Variants in KMT2B observed in about 807,000 individuals in gnomAD.
KMT2B encodes lysine methyltransferase 2B.
In KMT2B, 22 loss-of-function variants were observed where a neutral mutation model predicts 255.3. That is an observed-to-expected ratio of 0.09 (90% confidence interval 0.06 to 0.12). KMT2B has a LOEUF of 0.12. Among genes scored for constraint, KMT2B ranks in the 10% least tolerant of loss-of-function variants. The pLI, the probability that KMT2B is intolerant of heterozygous loss-of-function variation, is 1.00. For missense variants in KMT2B, 3,149 were observed against 3,737.0 expected (o/e 0.84, Z 4.10); for synonymous variants, 1,730 against 1,498.1 (o/e 1.15, Z -3.57).
intron 30 of KMT2B, chr19:35,736,393 CT>C (rs1969918210): frequency 2.7e-6 from 1 of 375,560 alleles, no homozygotes; most frequent in African/African-American, 2.0e-5. Context: ...GTATGGTACA[CT>C]GGGTTTGAGT....
intron 26 of KMT2B, 33 bp from the exon 27 acceptor site, chr19:35,731,875 C>T (rs1216242303): frequency 3.3e-6 from 5 of 1,516,052 alleles, no homozygotes; most frequent in Middle Eastern, 1.7e-4. Context: ...CACAGAGCCC[C>T]TACCACCCCA....
At position 35,732,060 on chromosome 19, in the gene KMT2B, C is replaced by G; in HGVS notation, c.5590C>G (p.Arg1864Gly). ...PPAPRSFSGARIKVPNYSPSR... is the reference protein window; with the variant it reads ...PPAPRSFSGAGIKVPNYSPSR... ...AGCCCCCCGTTCTTTTTCGGGGGCT[C>G]GAATCAAAGTGCCCAACTACTCGCC... is the stretch of plus-strand genomic sequence containing the variant. Residue 1864 changes from arginine to glycine, a missense_variant, in exon 27 of 37, where the codon CGA (arginine) becomes GGA (glycine). This residue lies in a region of KMT2B where 897 missense variants were observed against 825.3 expected (regional missense o/e 1.09). Transcript: ENST00000420124. 1 of 1,611,262 alleles carries G rather than the reference C, an allele frequency of 6.2e-7. No homozygotes were observed. The highest frequency in any genetic ancestry group is 8.5e-7 in the Non-Finnish European group (1 of 1,178,844).
Position 35,719,855 on chromosome 19 carries a change from G to A in KMT2B, c.508G>A (p.Ala170Thr), listed in dbSNP as rs1227672018. ...TCCTCCTCCTCGCCTAGCAGATGTGGCTCCTACCCCCCCAAAGACCCCTGC... is the reference window on the plus strand; with the variant it reads ...TCCTCCTCCTCGCCTAGCAGATGTGACTCCTACCCCCCCAAAGACCCCTGC... Reference protein sequence around the residue: ...PLPPPRLADVAPTPPKTPARK... With the variant: ...PLPPPRLADVTPTPPKTPARK... Residue 170 changes from alanine (A) to threonine (T), a missense_variant, in exon 3 of 37, where the codon GCT becomes ACT. This residue lies in a region of KMT2B where 1,188 missense variants were observed against 1,106.4 expected (regional missense o/e 1.07). Coordinates refer to ENST00000420124, the MANE Select transcript of KMT2B (RefSeq NM_014727.3). 5.6e-6 allele frequency: 9 copies of A among 1,613,114 alleles called. No homozygotes were observed. The African/African-American group carries it at 1.1e-4, about 19-fold the overall frequency.
At position 35,720,931 on chromosome 19, in the gene KMT2B, T is replaced by C; in HGVS notation, c.1584T>C (p.Ile528=). ...TTFLKNIRQF[I]MPVVSARSSR... ...TCCTGAAGAATATCCGGCAGTTTAT[T>C]ATGCCTGTGGTGAGTGCCCGCTCCT... The change falls in exon 3 of 37, where the codon ATT becomes ATC. Residue 528 remains isoleucine, a synonymous_variant. Transcript: ENST00000420124. 6.2e-7 allele frequency: 1 copy of C among 1,611,470 alleles called. No homozygotes were observed. Among genetic ancestry groups the C allele is most frequent in the Non-Finnish European group, 8.5e-7 (1 of 1,179,082 alleles).
At position 35,720,862 on chromosome 19, in the gene KMT2B, C is replaced by G. The variant is rs766738948; in HGVS notation, c.1515C>G (p.Gly505=). ...CAACCCCCAGCACCGCCACGGGAGG[C>G]CCTCCGGAAGACAGTCCCACCGTGG... ...PTPTPSTATG[G]PPEDSPTVAP... Residue 505 remains glycine (G), a synonymous_variant, in exon 3 of 37, where the codon GGC becomes GGG. Transcript: ENST00000420124. 1 of 1,583,672 alleles carries G rather than the reference C, an allele frequency of 6.3e-7. No homozygotes were observed. The highest frequency in any genetic ancestry group is 8.6e-7 in the Non-Finnish European group (1 of 1,165,360).
Position 35,733,106 on chromosome 19 carries a change from C to T in KMT2B, c.6557C>T (p.Pro2186Leu), listed in dbSNP as rs1371302068. Residue 2186 changes from proline to leucine, a missense_variant, in exon 28 of 37, where the codon CCC (proline) becomes CTC (leucine). Transcript: ENST00000420124. This position sits in a 1 kb window ranked among gnomAD's most constrained non-coding sequence, Gnocchi z 4.3. Reference sequence around the variant, plus strand: ...GGCCCTGCCCCTGAGCCCCCCAAACCCGCCACATCCAAAATCATACTTGTC... The same window carrying T: ...GGCCCTGCCCCTGAGCCCCCCAAACTCGCCACATCCAAAATCATACTTGTC... ...SLGPAPEPPK[P>L]ATSKIILVNK... 3 of 1,589,420 alleles carry T rather than the reference C, an allele frequency of 1.9e-6. No individual in the cohort carries two copies. Among genetic ancestry groups the T allele is most frequent in the African/African-American group, 2.7e-5 (2 of 74,300 alleles).
chr19:35,733,187 C>T lies in KMT2B; in HGVS notation c.6638C>T (p.Pro2213Leu), dbSNP rs776567341. The change falls in exon 28 of 37, where the codon CCC becomes CTC. Residue 2213 changes from proline to leucine, a missense_variant. Pro to Leu is a moderately conservative substitution (Grantham distance 98). This residue lies in a region of KMT2B where 897 missense variants were observed against 825.3 expected (regional missense o/e 1.09). Coordinates refer to ENST00000420124, the MANE Select transcript of KMT2B (RefSeq NM_014727.3). This position sits in a 1 kb window ranked among gnomAD's most constrained non-coding sequence, Gnocchi z 4.3. ...KMAGEGEPVP[P>L]PVKQPPLPPT... is the part of the protein sequence containing the mutation. ...GCTGGGGAGGGTGAACCTGTCCCAC[C>T]CCCAGTGAAGCAGCCACCTTTGCCC... The T allele has an allele frequency of 1.2e-5, 19 of 1,547,680 alleles. 2 individuals are homozygous for T. In the South Asian group the frequency reaches 2.1e-4, roughly 17 times the overall value.
chr19:35,727,100 C>T lies in KMT2B; in HGVS notation c.4004-56C>T. 1 of 1,285,026 alleles carries T rather than the reference C, an allele frequency of 7.8e-7. No homozygotes were observed. Among genetic ancestry groups the T allele is most frequent in the Non-Finnish European group, 1.1e-6 (1 of 905,874 alleles). 79.6% of individuals were successfully genotyped at this position (1,285,026 alleles called of 1,614,324 possible). On this transcript the variant is annotated intron_variant, in intron 14 of 36. Transcript: ENST00000420124. This position sits in a 1 kb window ranked among gnomAD's most constrained non-coding sequence, Gnocchi z 4.2. ...TACTGCTAATCCTTGAACAGAGACA[C>T]TCAGGGCTGAGTGGGAACTCCAGCA...
At chr19:35,722,085 G>A (rs1969240505) in intron 3 of KMT2B, among the ~76,000 whole-genome samples, 1 of 150,550 alleles carries the variant, frequency 6.6e-6, no homozygotes, top group Admixed American at 6.6e-5. Flanking sequence ...GCTCACTGCA[G>A]CCTTTGCCTC....
In KMT2B at chr19:35,718,223, C is replaced by A. The variant is rs1002271723; in HGVS notation, c.205C>A (p.Arg69Ser). ...GCCCGGGGAGGACACGGCCCTGCTC[C>A]GTTTGCTGGGGCTCCGCCGGGGCCT... is the stretch of plus-strand genomic sequence containing the variant. Reference protein sequence around the residue: ...AEPGEDTALLRLLGLRRGLRR... With the variant: ...AEPGEDTALLSLLGLRRGLRR... Residue 69 changes from arginine to serine, a missense_variant, in exon 1 of 37, where the codon CGT (arginine) becomes AGT (serine). Coordinates refer to ENST00000420124, the MANE Select transcript of KMT2B (RefSeq NM_014727.3). The surrounding 1 kb of genome is among the most constrained non-coding windows in gnomAD (Gnocchi z 5.0). 3.4e-6 allele frequency: 4 copies of A among 1,175,640 alleles called. No homozygotes were observed. The highest frequency in any genetic ancestry group is 4.2e-6 in the Non-Finnish European group (4 of 947,818). 72.8% of individuals were successfully genotyped at this position (1,175,640 alleles called of 1,614,324 possible). A position where few individuals can be genotyped will look rare whatever the true frequency, so the allele number is the denominator to read the frequency against.
chr19:35,724,723 C>A lies in KMT2B; in HGVS notation c.3421C>A (p.Leu1141Met). ...PVLQLKARRR[L>M]DKDALAPGPF... The stretch of plus-strand genomic sequence containing the variant: ...GTTGCAGCTCAAGGCCCGAAGGCGC[C>A]TGGACAAGGTCAGCACGGCCCGCTC... The change falls in exon 9 of 37, where the codon CTG (leucine) becomes ATG (methionine). Residue 1141 changes from leucine (L) to methionine (M), a missense_variant. Coordinates refer to ENST00000420124, the MANE Select transcript of KMT2B (RefSeq NM_014727.3). 1 of 1,589,360 alleles carries A rather than the reference C, an allele frequency of 6.3e-7. No individual in the cohort carries two copies. Among genetic ancestry groups the A allele is most frequent in the Non-Finnish European group, 8.6e-7 (1 of 1,168,376 alleles).
chr19:35,723,624 T>G lies in KMT2B; in HGVS notation c.3059-108T>G. On this transcript the variant is annotated intron_variant, in intron 7 of 36. Coordinates refer to ENST00000420124, the MANE Select transcript of KMT2B (RefSeq NM_014727.3). This position sits in a 1 kb window ranked among gnomAD's most constrained non-coding sequence, Gnocchi z 7.5. ...CCTCTCCATCTTCTCCGTTGTGTGC[T>G]TTCATAGCTCCTGCGTTCATTCCCT... The G allele has an allele frequency of 7.7e-7, 1 of 1,303,164 alleles. No homozygotes were observed. The highest frequency in any genetic ancestry group is 1.0e-6 in the Non-Finnish European group (1 of 954,096). 80.7% of individuals were successfully genotyped at this position (1,303,164 alleles called of 1,614,324 possible). A position where few individuals can be genotyped will look rare whatever the true frequency, so the allele number is the denominator to read the frequency against.
rs1162061063 is a variant in KMT2B at position 35,732,198 on chromosome 19, C to T, written c.5666-17C>T. The T allele has an allele frequency of 6.4e-7, 1 of 1,571,736 alleles. No individual in the cohort carries two copies. Among genetic ancestry groups the T allele is most frequent in the East Asian group, 2.3e-5 (1 of 42,780 alleles). On this transcript the variant is annotated splice_polypyrimidine_tract_variant and intron_variant, in intron 27 of 36. Transcript: ENST00000420124. ...CGGAGGTGGGAGCTGCTGGTAACAC[C>T]AACCCTCCCCCCACAGGAAGTCCAT...
At position 35,738,141 on chromosome 19, in the gene KMT2B, G is replaced by A; in HGVS notation, c.7822G>A (p.Val2608Ile). Reference protein sequence around the residue: ...GEMVIEYSGIVIRSVLTDKRE... With the variant: ...GEMVIEYSGIIIRSVLTDKRE... ...GATGGTCATCGAGTACTCTGGCATTGTCATCCGCTCGGTGTTGACTGACAA... is the reference window on the plus strand; with the variant it reads ...GATGGTCATCGAGTACTCTGGCATTATCATCCGCTCGGTGTTGACTGACAA... The change falls in exon 36 of 37, where the codon GTC becomes ATC. Residue 2608 changes from valine to isoleucine, a missense_variant. Physicochemically the swap from Val to Ile is conservative, Grantham distance 29 (BLOSUM62 3). Transcript: ENST00000420124. This position sits in a 1 kb window ranked among gnomAD's most constrained non-coding sequence, Gnocchi z 8.7. 1 of 1,613,898 alleles carries A rather than the reference G, an allele frequency of 6.2e-7. No individual in the cohort carries two copies. Among genetic ancestry groups the A allele is most frequent in the Non-Finnish European group, 8.5e-7 (1 of 1,179,876 alleles).
chr19:35,734,407 A>G (rs756070118), intron 30 of KMT2B, among the ~76,000 whole-genome samples: 2 of 152,176 alleles, frequency 1.3e-5, no homozygotes, highest in Non-Finnish European at 2.9e-5. Flanking sequence ...AATTGAGACC[A>G]TGGTTGAAGA....
chr19:35,737,774 G>A lies in KMT2B; in HGVS notation c.7658+31G>A. 6.5e-7 allele frequency: 1 copy of A among 1,548,620 alleles called. No homozygotes were observed. ...GAGTGTGAGCTGGGGGGCGGGTGGT[G>A]GTCTGGAAGGGTCTTAGAGAGTGAG... On this transcript the variant is annotated intron_variant, in intron 34 of 36. Transcript: ENST00000420124. The surrounding 1 kb of genome is among the most constrained non-coding windows in gnomAD (Gnocchi z 5.3).
intron 19 of KMT2B, 114 bp from the exon 20 acceptor site, chr19:35,728,660 T>G: frequency 1.3e-6 from 1 of 753,834 alleles, no homozygotes; most frequent in South Asian, 1.6e-5. Flanking sequence ...TGAGAGAAAT[T>G]CCACATAGAG....
chr19:35,734,765 C>T (rs946632695), intron 30 of KMT2B, among the ~76,000 whole-genome samples: 3 of 152,046 alleles, frequency 2.0e-5, no homozygotes, highest in African/African-American at 7.2e-5. Flanking sequence ...GGAGTGGCTG[C>T]GGCCAGGTAA....
intron 8 of KMT2B, 59 bp from the exon 9 acceptor site, chr19:35,724,578 T>G (rs1393017841): frequency 1.5e-6 from 2 of 1,366,132 alleles, no homozygotes; most frequent in African/African-American, 2.9e-5. Context: ...CATTTGGGGT[T>G]GTAGAAGAAG....
Sources: gnomAD v4.1 joint callset for allele counts (sites outside exome capture counted in the v4.1 genomes callset) on GRCh38, gnomAD v4.1.1 for gene constraint, gnomAD v4.1.1 regional missense constraint, Gnocchi (gnomAD v3.1) non-coding constraint, MANE v1.5 for transcripts, NCBI Gene and HGNC (gene_info 2026-07-23, HGNC 2026-07-21) for gene names.